PRTN3: variants seen among roughly 807,000 people sequenced by gnomAD.
The protein encoded by PRTN3 is myeloblastin.
PRTN3 carries 22 observed loss-of-function variants against 20.7 expected under a neutral mutation model. The ratio of observed to expected loss-of-function variants is 1.06; its 90% CI spans 0.76 to 1.52. PRTN3 has a LOEUF of 1.52. Among genes scored for constraint, PRTN3 ranks in the 40% most tolerant of loss-of-function variants. The pLI, the probability that PRTN3 is intolerant of heterozygous loss-of-function variation, is 0.00. For synonymous variants in PRTN3, 173 were observed against 152.9 expected (o/e 1.13, Z -0.97); for missense variants, 378 against 359.6 (o/e 1.05, Z -0.41).
intron 3 of PRTN3, 70 bp from the exon 4 acceptor site, chr19:846,077 T>A: frequency 8.3e-7 from 1 of 1,201,636 alleles, no homozygotes; most frequent in East Asian, 3.0e-5. Flanking sequence ...GTGGGTGTGG[T>A]GGGAGGGCGG....
At chr19:845,278 C>T (rs73492539) in intron 3 of PRTN3, among the ~76,000 whole-genome samples, 10,394 of 151,806 alleles carry the variant, frequency 0.068, 1,204 homozygotes, top group African/African-American at 0.24. Flanking sequence ...ATCAACCGGG[C>T]ATGGTAGCAC....
intron 3 of PRTN3, among the ~76,000 whole-genome samples, chr19:845,384 C>T (rs1055799740): frequency 3.3e-5 from 5 of 151,730 alleles, no homozygotes; most frequent in African/African-American, 7.3e-5. Context: ...ACTCCAGCCT[C>T]GGCGACAGAG....
intron 1 of PRTN3, among the ~76,000 whole-genome samples, chr19:841,539 AGT>A (rs1396463645): frequency 1.8e-5 from 1 of 56,476 alleles, no homozygotes; most frequent in Non-Finnish European, 3.8e-5. Context: ...TGAATCAATG[AGT>A]GAGTGAATGA....
rs1360517733 is a variant in PRTN3, at chr19:846,346, T to A, written c.569T>A (p.Phe190Tyr). 6.4e-7 allele frequency: 1 copy of A among 1,572,612 alleles called. No homozygotes were observed. The highest frequency in any genetic ancestry group is 8.6e-7 in the Non-Finnish European group (1 of 1,160,040). ...TGCCGGCCACATAACATTTGCACTT[T>A]CGTCCCTCGCCGCAAGGCCGGCATC... ...FFCRPHNICT[F>Y]VPRRKAGICF... The change falls in exon 4 of 5, where the codon TTC becomes TAC. Residue 190 changes from phenylalanine (F) to tyrosine (Y), a missense_variant. Transcript: ENST00000234347.
At position 843,597 on chromosome 19, in the gene PRTN3, G is replaced by C. The variant is rs145358114; in HGVS notation, c.198G>C (p.Val66=). 3 of 1,597,856 alleles carry C rather than the reference G, an allele frequency of 1.9e-6. No homozygotes were observed. Among genetic ancestry groups the C allele is most frequent in the Non-Finnish European group, 2.5e-6 (3 of 1,176,766 alleles). ...CGGTLIHPSF[V]LTAAHCLRDI... is the part of the protein sequence containing the mutation. ...GCACCTTGATCCACCCCAGCTTCGT[G>C]CTGACGGCCGCGCACTGCCTGCGGG... Residue 66 remains valine (V), a synonymous_variant, in exon 2 of 5, where the codon GTG becomes GTC. Coordinates refer to ENST00000234347, the MANE Select transcript of PRTN3 (RefSeq NM_002777.4).
Position 841,083 on chromosome 19 carries a change from G to A in PRTN3, c.61+14G>A, listed in dbSNP as rs372092175. On this transcript the variant is annotated intron_variant, in intron 1 of 4. Coordinates refer to ENST00000234347, the MANE Select transcript of PRTN3 (RefSeq NM_002777.4). ...TGCTGCTGAGCGGTGAGTGAGCCACGTGCCCATCCATCCAGCCTCCAGGCC... is the reference window on the plus strand; with the variant it reads ...TGCTGCTGAGCGGTGAGTGAGCCACATGCCCATCCATCCAGCCTCCAGGCC... 1.8e-5 allele frequency: 29 copies of A among 1,603,184 alleles called. No individual in the cohort carries two copies. The highest frequency in any genetic ancestry group is 3.3e-5 in the Admixed American group (2 of 59,828).
chr19:842,879 G>A (rs967837620), intron 1 of PRTN3, among the ~76,000 whole-genome samples: 1 of 147,030 alleles, frequency 6.8e-6, no homozygotes, highest in Non-Finnish European at 1.5e-5. Flanking sequence ...TGGGCCAACC[G>A]CACCCGACCA....
intron 1 of PRTN3, among the ~76,000 whole-genome samples, chr19:841,841 C>G (rs972116194): frequency 6.9e-6 from 1 of 144,026 alleles, no homozygotes; most frequent in African/African-American, 2.6e-5. Context: ...CTTTCTCCTG[C>G]CTCAGCCTCC....
At chr19:842,413 ATTTTTTTT>A (rs34047197) in intron 1 of PRTN3, among the ~76,000 whole-genome samples, 2 of 39,418 alleles carry the variant, frequency 5.1e-5, no homozygotes, top group African/African-American at 1.5e-4. Flanking sequence ...TGCGCCCAGG[ATTTTTTTT>A]TTTTTTTTTT....
rs1356738220 is a variant in PRTN3 at position 843,943 on chromosome 19, A to G, written c.278A>G (p.Gln93Arg). The G allele has an allele frequency of 1.9e-6, 3 of 1,599,786 alleles. No homozygotes were observed. Among genetic ancestry groups the G allele is most frequent in the South Asian group, 1.1e-5 (1 of 88,080 alleles). Reference protein sequence around the residue: ...VVLGAHNVRTQEPTQQHFSVA... With the variant: ...VVLGAHNVRTREPTQQHFSVA... ...CTCGGAGCCCACAACGTGCGGACGC[A>G]GGAGCCCACCCAGCAGCACTTCTCG... is the stretch of plus-strand genomic sequence containing the variant. Residue 93 changes from glutamine to arginine, a missense_variant, in exon 3 of 5, where the codon CAG becomes CGG. Physicochemically the swap from Gln to Arg is conservative, Grantham distance 43. Coordinates refer to ENST00000234347, the MANE Select transcript of PRTN3 (RefSeq NM_002777.4).
chr19:843,632 C>T lies in PRTN3; in HGVS notation c.227+6C>T. 4 of 1,541,908 alleles carry T rather than the reference C, an allele frequency of 2.6e-6. No individual in the cohort carries two copies. The highest frequency in any genetic ancestry group is 2.6e-6 in the Non-Finnish European group (3 of 1,151,390). On this transcript the variant is annotated splice_donor_region_variant and intron_variant, in intron 2 of 4. Coordinates refer to ENST00000234347, the MANE Select transcript of PRTN3 (RefSeq NM_002777.4). ...GCGCACTGCCTGCGGGACATGTGAGCGGCCGCCTCCACACCCCTGTCCGCC... is the reference window on the plus strand; with the variant it reads ...GCGCACTGCCTGCGGGACATGTGAGTGGCCGCCTCCACACCCCTGTCCGCC...
At position 843,463 on chromosome 19, in the gene PRTN3, G is replaced by A. The variant is rs1313442996; in HGVS notation, c.64G>A (p.Ala22Thr). 1.3e-6 allele frequency: 2 copies of A among 1,560,698 alleles called. No individual in the cohort carries two copies. Among genetic ancestry groups the A allele is most frequent in the East Asian group, 2.4e-5 (1 of 42,378 alleles). Reference protein sequence around the residue: ...SVLLALLLSGAARAAEIVGGH... With the variant: ...SVLLALLLSGTARAAEIVGGH... ...ACGCCTGGACTCCCCCCCTGCAGGTGCTGCCCGAGCTGCGGAGATCGTGGG... is the reference window on the plus strand; with the variant it reads ...ACGCCTGGACTCCCCCCCTGCAGGTACTGCCCGAGCTGCGGAGATCGTGGG... Residue 22 changes from alanine (A) to threonine (T), a missense_variant and splice_region_variant, in exon 2 of 5, where the codon GCT (alanine) becomes ACT (threonine). Physicochemically the swap from Ala to Thr is moderately conservative, Grantham distance 58. Coordinates refer to ENST00000234347, the MANE Select transcript of PRTN3 (RefSeq NM_002777.4).
At chr19:847,725 G>A in intron 4 of PRTN3, 74 bp from the exon 5 acceptor site, 1 of 1,504,596 alleles carries the variant, frequency 6.6e-7, no homozygotes. Context: ...CCCCTGATGG[G>A]TGACTGGCCG....
chr19:842,586 A>ATTTTT (rs71174326), intron 1 of PRTN3, among the ~76,000 whole-genome samples: 3 of 65,476 alleles, frequency 4.6e-5, no homozygotes, highest in African/African-American at 2.4e-4. Flanking sequence ...CACCTGGCTA[A>ATTTTT]TTTTTTTTTT....
In PRTN3 at chr19:848,026, C is replaced by T. The variant is rs533092349; in HGVS notation, c.*57C>T. On this transcript the variant is annotated 3_prime_UTR_variant, in exon 5 of 5. Coordinates refer to ENST00000234347, the MANE Select transcript of PRTN3 (RefSeq NM_002777.4). ...CGAGCCTGGCTCCAAACCCTCGAGG[C>T]GGATCTTTGGACAGAAGCAGCTCTT... 170 of 1,533,206 alleles carry T rather than the reference C, an allele frequency of 1.1e-4. 3 individuals are homozygous for T. The East Asian group carries it at 3.4e-3, about 31-fold the overall frequency. 95.0% of individuals were successfully genotyped at this position (1,533,206 alleles called of 1,614,324 possible).
rs1437934421 is a variant in PRTN3, at chr19:843,559, C to T, written c.160C>T (p.His54Tyr). ...SLQMRGNPGS[H>Y]FCGGTLIHPS... The stretch of plus-strand genomic sequence containing the variant: ...GCAGATGCGGGGGAACCCGGGCAGC[C>T]ACTTCTGCGGAGGCACCTTGATCCA... Residue 54 changes from histidine to tyrosine, a missense_variant, in exon 2 of 5, where the codon CAC (histidine) becomes TAC (tyrosine). Transcript: ENST00000234347. 6.2e-6 allele frequency: 10 copies of T among 1,602,472 alleles called. No homozygotes were observed. The Admixed American group carries it at 1.5e-4, about 24-fold the overall frequency.
intron 1 of PRTN3, 127 bp downstream of exon 1, chr19:841,196 ACT>A: frequency 8.1e-7 from 1 of 1,235,494 alleles, no homozygotes; most frequent in Non-Finnish European, 1.1e-6. Flanking sequence ...GTCAGGGGAG[ACT>A]CCACTCACTG....
intron 1 of PRTN3, 120 bp downstream of exon 1, chr19:841,189 A>C: frequency 7.6e-7 from 1 of 1,321,224 alleles, no homozygotes; most frequent in Non-Finnish European, 1.0e-6. Context: ...AGGCAGGGTC[A>C]GGGGAGACTC....
At chr19:843,434 C>T in intron 1 of PRTN3, 27 bp from the exon 2 acceptor site, 1 of 1,525,784 alleles carries the variant, frequency 6.6e-7, no homozygotes, top group South Asian at 1.2e-5. Context: ...CTGGGGGCTC[C>T]CTGACGCCTG....
Sources: gnomAD v4.1 joint callset for allele counts (sites outside exome capture counted in the v4.1 genomes callset) on GRCh38, gnomAD v4.1.1 for gene constraint, MANE v1.5 for transcripts, NCBI Gene and HGNC (gene_info 2026-07-23, HGNC 2026-07-21) for gene names.